LRP1B: variants seen among roughly 807,000 people sequenced by gnomAD.
LRP1B encodes low-density lipoprotein receptor-related protein 1B.
In LRP1B, 217 loss-of-function variants were observed where a neutral mutation model predicts 556.6. That is an observed-to-expected ratio of 0.39 (90% CI 0.35 to 0.44). LRP1B has a LOEUF of 0.44. Among genes scored for constraint, LRP1B ranks in the 20% least tolerant of loss-of-function variants. The pLI is 1.00. For synonymous variants in LRP1B, 2,047 were observed against 1,865.8 expected (o/e 1.10, Z -2.50); for missense variants, 5,053 against 5,620.8 (o/e 0.90, Z 3.23).
At chr2:141,518,126 A>G (rs1225704166) in intron 2 of LRP1B, among the ~76,000 whole-genome samples, 1 of 151,140 alleles carries the variant, frequency 6.6e-6, no homozygotes, top group Non-Finnish European at 1.5e-5. Flanking sequence ...TATCTTTAAA[A>G]AAAAAAAAGT....
intron 2 of LRP1B, among the ~76,000 whole-genome samples, chr2:141,782,712 T>C (rs1695300652): frequency 6.6e-6 from 1 of 151,986 alleles, no homozygotes; most frequent in South Asian, 2.1e-4. Flanking sequence ...ATAACATATG[T>C]TCATGATCAT....
intron 43 of LRP1B, among the ~76,000 whole-genome samples, chr2:140,584,385 C>T (rs1681900293): frequency 8.1e-5 from 1 of 12,300 alleles, no homozygotes; most frequent in Non-Finnish European, 2.5e-4. Flanking sequence ...AAGAAATGTG[C>T]TCATATATAT....
intron 1 of LRP1B, among the ~76,000 whole-genome samples, chr2:142,121,449 A>C (rs1352664055): frequency 6.6e-6 from 1 of 152,174 alleles, no homozygotes; most frequent in Non-Finnish European, 1.5e-5. Flanking sequence ...TCTCCCAAAC[A>C]CACACAGTTT....
intron 7 of LRP1B, among the ~76,000 whole-genome samples, chr2:141,173,455 C>T (rs1339864896): frequency 6.6e-6 from 1 of 152,054 alleles, no homozygotes; most frequent in African/African-American, 2.4e-5. Context: ...GAACCCACCT[C>T]CAGATTGTGG....
chr2:141,696,800 G>T (rs1228693238), intron 2 of LRP1B, among the ~76,000 whole-genome samples: 1 of 151,976 alleles, frequency 6.6e-6, no homozygotes, highest in Non-Finnish European at 1.5e-5. Flanking sequence ...CACTAACTGA[G>T]AGGGGATATG....
intron 11 of LRP1B, among the ~76,000 whole-genome samples, chr2:141,027,271 C>A (rs982929618): frequency 1.3e-5 from 2 of 152,022 alleles, no homozygotes; most frequent in Non-Finnish European, 2.9e-5. Context: ...AATTGCCTAC[C>A]CTTTGATACA....
chr2:141,052,825 A>C (rs6730194), intron 10 of LRP1B, among the ~76,000 whole-genome samples: 130,399 of 151,836 alleles, frequency 0.86, 56,464 homozygotes, highest in Non-Finnish European at 0.91. Context: ...TTTTTTAGAG[A>C]CTAGGTTTTG....
intron 35 of LRP1B, among the ~76,000 whole-genome samples, chr2:140,731,007 A>G (rs1316946383): frequency 6.6e-6 from 1 of 151,994 alleles, no homozygotes; most frequent in African/African-American, 2.4e-5. Context: ...TAGCTGCCCC[A>G]ACTCCCTAGT....
At chr2:141,627,591 G>A (rs1051858682) in intron 2 of LRP1B, among the ~76,000 whole-genome samples, 1 of 152,262 alleles carries the variant, frequency 6.6e-6, no homozygotes, top group African/African-American at 2.4e-5. Flanking sequence ...CATATGCTAA[G>A]GATCTAGGTT....
chr2:141,758,452 TAAATA>T, intron 2 of LRP1B, among the ~76,000 whole-genome samples: 1 of 152,176 alleles, frequency 6.6e-6, no homozygotes, highest in South Asian at 2.1e-4. Flanking sequence ...TATGTGTCAA[TAAATA>T]AAATATATAC....
chr2:141,490,641 A>C (rs1362206735), intron 2 of LRP1B, among the ~76,000 whole-genome samples: 1 of 152,094 alleles, frequency 6.6e-6, no homozygotes, highest in Admixed American at 6.6e-5. Context: ...TTGCTTTCTG[A>C]CCTTTCATTA....
At chr2:140,973,530 C>T (rs1261588895) in intron 18 of LRP1B, among the ~76,000 whole-genome samples, 1 of 151,918 alleles carries the variant, frequency 6.6e-6, no homozygotes, top group African/African-American at 2.4e-5. Context: ...GAAATGTAAA[C>T]ATTGGAAATA....
chr2:141,014,530 C>T (rs1697848110), intron 13 of LRP1B, among the ~76,000 whole-genome samples: 2 of 151,920 alleles, frequency 1.3e-5, no homozygotes, highest in Admixed American at 6.6e-5. Flanking sequence ...ATACTGAATA[C>T]AAGATGAAAA....
intron 77 of LRP1B, among the ~76,000 whole-genome samples, chr2:140,338,068 G>GAAA (rs35692268): frequency 7.0e-6 from 1 of 142,046 alleles, no homozygotes; most frequent in Non-Finnish European, 1.5e-5. Context: ...TTAGAAAAAC[G>GAAA]AAAAAAAAAA....
chr2:140,569,099 C>A (rs1328146263), intron 43 of LRP1B, among the ~76,000 whole-genome samples: 1 of 151,752 alleles, frequency 6.6e-6, no homozygotes, highest in Admixed American at 6.6e-5. Flanking sequence ...AGAAACCAAA[C>A]CTTATCACAA....
intron 71 of LRP1B, among the ~76,000 whole-genome samples, chr2:140,365,578 T>C (rs924669307): frequency 1.3e-5 from 2 of 151,606 alleles, no homozygotes; most frequent in African/African-American, 4.8e-5. Context: ...CAGTCTTGCT[T>C]TGGATAACTC....
chr2:141,254,117 G>A (rs1684371574), intron 4 of LRP1B, among the ~76,000 whole-genome samples: 1 of 151,970 alleles, frequency 6.6e-6, no homozygotes, highest in African/African-American at 2.4e-5. Context: ...TAAAATGCCA[G>A]CTGCCAGAAT....
At chr2:141,979,827 T>G (rs1323936929) in intron 1 of LRP1B, among the ~76,000 whole-genome samples, 1 of 152,082 alleles carries the variant, frequency 6.6e-6, no homozygotes, top group African/African-American at 2.4e-5. Flanking sequence ...AAACTGCAGG[T>G]GAAGTGCAAA....
chr2:140,687,430 G>A (rs1396253119), intron 41 of LRP1B, among the ~76,000 whole-genome samples: 1 of 152,068 alleles, frequency 6.6e-6, no homozygotes, highest in Non-Finnish European at 1.5e-5. Context: ...TGCTATCCTA[G>A]GCGTTGCAAA....
Sources: gnomAD v4.1 joint callset for allele counts (sites outside exome capture counted in the v4.1 genomes callset) on GRCh38, gnomAD v4.1.1 for gene constraint, MANE v1.5 for transcripts, NCBI Gene and HGNC (gene_info 2026-07-23, HGNC 2026-07-21) for gene names.